Variants in TLCD4 observed in about 807,000 individuals in gnomAD.
TLCD4 encodes the protein TLC domain containing 4, also known as TLC domain-containing protein 4.
In TLCD4, 7 loss-of-function variants were observed where a neutral mutation model predicts 24.2. The ratio of observed to expected loss-of-function variants is 0.29; its 90% confidence interval spans 0.16 to 0.54. The LOEUF is 0.54. Ranked by LOEUF, TLCD4 falls within the 20% of genes least tolerant of loss-of-function variation. TLCD4 has a pLI of 0.95. For synonymous variants in TLCD4, 103 were observed against 106.4 expected, an observed-to-expected ratio of 0.97 and a Z score of 0.20; for missense variants, 259 against 313.9, an observed-to-expected ratio of 0.82 and a Z score of 1.32.
chr1:95,158,544 A>G (rs1306963044), intron 5 of TLCD4, among the ~76,000 whole-genome samples: 1 of 151,944 alleles, frequency 6.6e-6, no homozygotes, highest in African/African-American at 2.4e-5. Context: ...GTTCTAGGGT[A>G]CATGTGCACA....
chr1:95,107,901 G>T, the TLCD4 span, among the ~76,000 whole-genome samples: 3 of 152,154 alleles, frequency 2.0e-5, no homozygotes, highest in African/African-American at 7.2e-5. Context: ...TGATGGTGGG[G>T]AGACCAATCT....
intron 1 of TLCD4, among the ~76,000 whole-genome samples, chr1:95,131,684 TTGG>T (rs1417002850): frequency 6.6e-6 from 1 of 152,198 alleles, no homozygotes; most frequent in African/African-American, 2.4e-5. Context: ...TCCATTGGAC[TTGG>T]TGGTAGATTG....
chr1:95,133,113 AAG>A (rs1676941431), intron 1 of TLCD4, among the ~76,000 whole-genome samples: 1 of 152,158 alleles, frequency 6.6e-6, no homozygotes, highest in African/African-American at 2.4e-5. Flanking sequence ...ACTTTATGGA[AAG>A]AGAGGATTGA....
chr1:95,133,990 A>G (rs1447539925), intron 1 of TLCD4, among the ~76,000 whole-genome samples: 1 of 151,772 alleles, frequency 6.6e-6, no homozygotes, highest in Admixed American at 6.6e-5. Flanking sequence ...AATAGGGCTA[A>G]TGGGTTGGGA....
intron 2 of TLCD4, 97 bp downstream of exon 2, chr1:95,144,153 G>A: frequency 1.6e-6 from 2 of 1,216,164 alleles, no homozygotes; most frequent in Non-Finnish European, 2.1e-6. Flanking sequence ...AGGATCTAAT[G>A]TAAGGCCAAA....
chr1:95,135,643 C>A (rs1014880981), intron 1 of TLCD4, among the ~76,000 whole-genome samples: 1 of 151,984 alleles, frequency 6.6e-6, no homozygotes, highest in African/African-American at 2.4e-5. Context: ...AGTGATCCAC[C>A]CGCCTTGGCC....
intron 5 of TLCD4, chr1:95,163,652 T>C (rs955439232): frequency 6.6e-6 from 1 of 152,200 alleles, no homozygotes; most frequent in African/African-American, 2.4e-5. Context: ...CTACCTTTGG[T>C]CTTTGATGAT....
intron 1 of TLCD4, among the ~76,000 whole-genome samples, chr1:95,120,679 G>A (rs1479746886): frequency 6.6e-6 from 1 of 152,230 alleles, no homozygotes; most frequent in Non-Finnish European, 1.5e-5. Flanking sequence ...CATGGGTGGA[G>A]TTTGAGTAGG....
intron 6 of TLCD4, among the ~76,000 whole-genome samples, chr1:95,179,340 A>G (rs1449056295): frequency 2.0e-5 from 3 of 152,190 alleles, no homozygotes; most frequent in Non-Finnish European, 4.4e-5. Context: ...AGGTTGGCAA[A>G]CCATGCATGG....
chr1:95,097,037 A>G, the TLCD4 span, among the ~76,000 whole-genome samples: 1 of 152,034 alleles, frequency 6.6e-6, no homozygotes, highest in African/African-American at 2.4e-5. Context: ...TCTTGTCCCC[A>G]ACTCCTTCCA....
intron 5 of TLCD4, among the ~76,000 whole-genome samples, chr1:95,161,132 C>T (rs1490871778): frequency 6.6e-6 from 1 of 152,146 alleles, no homozygotes; most frequent in African/African-American, 2.4e-5. Flanking sequence ...CCGTCTGCTC[C>T]TGGACTTTTT....
chr1:95,099,964 T>A, the TLCD4 span, among the ~76,000 whole-genome samples: 1 of 151,444 alleles, frequency 6.6e-6, no homozygotes, highest in Non-Finnish European at 1.5e-5. Context: ...AAACCCCCCC[T>A]CTACTAAAAA....
At chr1:95,106,751 T>G in the TLCD4 span, among the ~76,000 whole-genome samples, 1 of 152,166 alleles carries the variant, frequency 6.6e-6, no homozygotes, top group Admixed American at 6.5e-5. Context: ...ATTAATATAT[T>G]GCAAAGTATA....
chr1:95,192,123 T>A lies in TLCD4; in HGVS notation c.*255T>A, dbSNP rs1008439593. The A allele has an allele frequency of 1.8e-5, 10 of 571,364 alleles. No individual in the cohort carries two copies. Among genetic ancestry groups the A allele is most frequent in the Non-Finnish European group, 2.3e-5 (9 of 394,182 alleles). 35.4% of individuals were successfully genotyped at this position (571,364 alleles called of 1,614,324 possible). A position where few individuals can be genotyped will look rare whatever the true frequency, so the allele number is the denominator to read the frequency against. ...CTAGCTTGGCCAACATGGTGAAACCTCATCTCTACTAAAAATACAAAAAAA... is the reference window on the plus strand; with the variant it reads ...CTAGCTTGGCCAACATGGTGAAACCACATCTCTACTAAAAATACAAAAAAA... On this transcript the variant is annotated 3_prime_UTR_variant, in exon 7 of 7. Coordinates refer to ENST00000370203, the MANE Select transcript of TLCD4 (RefSeq NM_152487.3).
At chr1:95,187,827 C>A (rs576880586) in intron 6 of TLCD4, among the ~76,000 whole-genome samples, 2 of 151,558 alleles carry the variant, frequency 1.3e-5, no homozygotes, top group Non-Finnish European at 2.9e-5. Flanking sequence ...TGCTGGAAGC[C>A]GGATGTCCAA....
At chr1:95,145,573 C>T (rs1677321270) in intron 2 of TLCD4, among the ~76,000 whole-genome samples, 1 of 152,022 alleles carries the variant, frequency 6.6e-6, no homozygotes, top group Non-Finnish European at 1.5e-5. Context: ...ACTAGAGATA[C>T]CATTACTTTA....
intron 1 of TLCD4, among the ~76,000 whole-genome samples, chr1:95,126,199 A>G (rs2391629): frequency 0.98 from 149,122 of 151,810 alleles, 73,296 homozygotes; most frequent in East Asian, 1. Context: ...GGCTGAGGTG[A>G]GTGGATCACT....
At chr1:95,115,767 A>G (rs1223005855), upstream of TLCD4, among the ~76,000 whole-genome samples, 5 of 152,210 alleles carry the variant, frequency 3.3e-5, no homozygotes, top group African/African-American at 1.2e-4. Flanking sequence ...TGGTGCATTT[A>G]TCAGGAAAGA....
the TLCD4 span, among the ~76,000 whole-genome samples, chr1:95,108,765 A>G: frequency 6.6e-6 from 1 of 152,044 alleles, no homozygotes; most frequent in African/African-American, 2.4e-5. Context: ...ATCTTACCCC[A>G]CTGACTTGAG....
Sources: allele counts gnomAD v4.1 joint callset (sites outside exome capture counted in the v4.1 genomes callset), GRCh38; gene constraint gnomAD v4.1.1; transcripts MANE v1.5; gene names NCBI Gene and HGNC (gene_info 2026-07-23, HGNC 2026-07-21).